SIRT3: variants seen among roughly 807,000 people sequenced by gnomAD.
SIRT3 encodes the protein sirtuin 3.
Under a neutral mutation model 33.5 loss-of-function variants are expected in SIRT3, and 26 were observed. The ratio of observed to expected loss-of-function variants is 0.78; its 90% CI spans 0.57 to 1.08. SIRT3 has a LOEUF of 1.08. SIRT3 is among the 50% of genes least tolerant of loss of function. SIRT3 has a pLI of 0.00. For missense variants in SIRT3, 585 were observed against 530.1 expected (o/e 1.10, Z -1.02); for synonymous variants, 237 against 222.1 (o/e 1.07, Z -0.60).
intron 6 of SIRT3, 28 bp from the exon 7 acceptor site, chr11:216,746 G>A (rs1855697682): frequency 1.2e-6 from 2 of 1,613,574 alleles, no homozygotes; most frequent in African/African-American, 1.3e-5. Flanking sequence ...GAGGGTATCA[G>A]CTATCTGTTT....
At chr11:219,410 C>G (rs1204575530) in intron 5 of SIRT3, among the ~76,000 whole-genome samples, 2 of 152,186 alleles carry the variant, frequency 1.3e-5, no homozygotes, top group Non-Finnish European at 2.9e-5. Flanking sequence ...AGAGGGACAA[C>G]AGCACAGACT....
intron 6 of SIRT3, among the ~76,000 whole-genome samples, chr11:218,271 A>G (rs1435231879): frequency 8.5e-5 from 13 of 152,230 alleles, no homozygotes; most frequent in Non-Finnish European, 1.9e-4. Context: ...AAGGCTACAC[A>G]TGCTACATGA....
rs1413014541 is a variant in SIRT3, at chr11:233,054, A to G, written c.635T>C (p.Phe212Ser). The change falls in exon 3 of 7, where the codon TTT becomes TCT. Residue 212 changes from phenylalanine to serine, a missense_variant. By Grantham distance (155) the Phe-to-Ser change is radical. Coordinates refer to ENST00000382743, the MANE Select transcript of SIRT3 (RefSeq NM_012239.6). ...GNYKPNVTHY[F>S]LRLLHDKGLL... ...CCCCTTGTCATGAAGCAGCCGGAGA[A>G]AGTAGTGAGTGACGTTGGGCTTGTA... 1 of 1,614,006 alleles carries G rather than the reference A, an allele frequency of 6.2e-7. No individual in the cohort carries two copies. Among genetic ancestry groups the G allele is most frequent in the African/African-American group, 1.3e-5 (1 of 74,890 alleles).
chr11:236,643 T>C (rs935339585), upstream of SIRT3: 40 of 235,522 alleles, frequency 1.7e-4, no homozygotes, highest in African/African-American at 8.3e-4. Context: ...GCGGTGATAG[T>C]TAATACTTTC....
intron 3 of SIRT3, 93 bp from the exon 4 acceptor site, chr11:230,645 G>T: frequency 1.3e-6 from 1 of 797,138 alleles, no homozygotes. Flanking sequence ...AGGACTCCTG[G>T]AAGGAGGCAC....
intron 2 of SIRT3, 58 bp downstream of exon 2, chr11:233,285 G>C: frequency 6.2e-7 from 1 of 1,600,516 alleles, no homozygotes; most frequent in Non-Finnish European, 8.5e-7. Context: ...CTGGGCAGTG[G>C]GGAGGGCAGG....
intron 4 of SIRT3, 132 bp from the exon 5 acceptor site, chr11:224,371 G>A (rs1339975466): frequency 2.1e-6 from 2 of 931,934 alleles, no homozygotes; most frequent in Middle Eastern, 3.5e-4. Context: ...GAACCCCCAT[G>A]TACCCAGCTT....
Position 223,591 on chromosome 11 carries a change from C to T in SIRT3, c.969+487G>A. On this transcript the variant is annotated intron_variant, in intron 5 of 6. Coordinates refer to ENST00000382743, the MANE Select transcript of SIRT3 (RefSeq NM_012239.6). This position sits in a 1 kb window ranked among gnomAD's most constrained non-coding sequence, Gnocchi z 4.8. Reference sequence around the variant, plus strand: ...AGTATTCCTGATCTGACCTGGGAGGCCCTGCCCCTCCACCTCGCCCCCACA... The same window carrying T: ...AGTATTCCTGATCTGACCTGGGAGGTCCTGCCCCTCCACCTCGCCCCCACA... The T allele has an allele frequency of 4.5e-6, 2 of 442,198 alleles. No homozygotes were observed. The highest frequency in any genetic ancestry group is 6.7e-4 in the Middle Eastern group (2 of 2,990). The allele number at this position is 442,198 out of a possible 1,614,324, so 27.4% of individuals were successfully genotyped here.
intron 4 of SIRT3, among the ~76,000 whole-genome samples, chr11:230,020 G>A (rs1266259577): frequency 2.0e-5 from 3 of 152,138 alleles, no homozygotes; most frequent in South Asian, 2.1e-4. Flanking sequence ...GCGAAGGAGC[G>A]AGAAACATTT....
rs201396474 is a variant in SIRT3, at chr11:230,561, C to G, written c.707-9G>C. On this transcript the variant is annotated splice_polypyrimidine_tract_variant and intron_variant, in intron 3 of 6. Coordinates refer to ENST00000382743, the MANE Select transcript of SIRT3 (RefSeq NM_012239.6). Reference sequence around the variant, plus strand: ...GGCAGGGATGCCCGACACTGAAATTCAAGCCAAAGCGAAGTGTTGCTGCCG... The same window carrying G: ...GGCAGGGATGCCCGACACTGAAATTGAAGCCAAAGCGAAGTGTTGCTGCCG... The G allele has an allele frequency of 3.3e-6, 5 of 1,496,292 alleles. No homozygotes were observed. Among genetic ancestry groups the G allele is most frequent in the Middle Eastern group, 1.8e-4 (1 of 5,664 alleles). 92.7% of individuals were successfully genotyped at this position (1,496,292 alleles called of 1,614,324 possible).
chr11:236,152 C>CT lies in SIRT3; in HGVS notation c.176dup (p.Pro60AlafsTer37), dbSNP rs1273924916. On this transcript the variant is annotated frameshift_variant, in exon 1 of 7. Transcript: ENST00000382743. LOFTEE classifies it high-confidence loss of function. ...GCAAGGGGCGCGCCGGGTCCAAGGG[C>CT]TCACCGCGGGCCCCATGGCTGCCTC... is the stretch of plus-strand genomic sequence containing the variant. The CT allele has an allele frequency of 6.4e-7, 1 of 1,570,240 alleles. No individual in the cohort carries two copies.
At position 216,561 on chromosome 11, in the gene SIRT3, TG is replaced by T; in HGVS notation, c.*136del. On this transcript the variant is annotated 3_prime_UTR_variant, in exon 7 of 7. Transcript: ENST00000382743. ...CTCATGGCCTGAGAAGACATTCCAG[TG>T]GCAGCCTCGGGTGTCCACTCAGTTC... is the stretch of plus-strand genomic sequence containing the variant. 1 of 925,998 alleles carries T rather than the reference TG, an allele frequency of 1.1e-6. No individual in the cohort carries two copies. The highest frequency in any genetic ancestry group is 1.7e-6 in the Non-Finnish European group (1 of 576,126). The allele number at this position is 925,998 out of a possible 1,614,324, so 57.4% of individuals were successfully genotyped here. A position where few individuals can be genotyped will look rare whatever the true frequency, so the allele number is the denominator to read the frequency against.
chr11:218,777 C>T lies in SIRT3; in HGVS notation c.1179+55G>A, dbSNP rs771853792. On this transcript the variant is annotated intron_variant, in intron 6 of 6. Transcript: ENST00000382743. ...GGGGCTCCATATCAGGTGGACCATA[C>T]CCTAGAGCAGTGAGAAGGGCAGCCC... 2.9e-5 allele frequency: 46 copies of T among 1,613,074 alleles called. No homozygotes were observed. The Middle Eastern group carries it at 2.3e-3, about 81-fold the overall frequency.
chr11:236,050 C>T lies in SIRT3; in HGVS notation c.279G>A (p.Ser93=). Residue 93 remains serine (S), a splice_region_variant and synonymous_variant, in exon 1 of 7, where the codon TCG becomes TCA. Transcript: ENST00000382743. ...GTGCTTGTCCTTGCCCAAAATACCTCGAAAAGAAGAAACTGGGAGCTGCTG... is the reference window on the plus strand; with the variant it reads ...GTGCTTGTCCTTGCCCAAAATACCTTGAAAAGAAGAAACTGGGAGCTGCTG... ...PRAAAPSFFF[S]SIKGGRRSIS... 6.6e-7 allele frequency: 1 copy of T among 1,514,820 alleles called. No individual in the cohort carries two copies. The highest frequency in any genetic ancestry group is 8.8e-7 in the Non-Finnish European group (1 of 1,131,778). The allele number at this position is 1,514,820 out of a possible 1,614,324, so 93.8% of individuals were successfully genotyped here. A position where few individuals can be genotyped will look rare whatever the true frequency, so the allele number is the denominator to read the frequency against.
At chr11:233,838 G>T in intron 1 of SIRT3, 1 of 259,312 alleles carries the variant, frequency 3.9e-6, no homozygotes, top group Non-Finnish European at 7.4e-6. Flanking sequence ...ACCTCCAAAG[G>T]GGTCTCCTAA....
intron 4 of SIRT3, among the ~76,000 whole-genome samples, chr11:225,183 G>T (rs1229286350): frequency 6.6e-6 from 1 of 152,180 alleles, no homozygotes; most frequent in African/African-American, 2.4e-5. Context: ...GGAGGCCGAG[G>T]TGGGCAGATC....
chr11:232,901 GGCACCCGAGCCTCCCTGGGAGAAAC>G lies in SIRT3; in HGVS notation c.706+57_706+81del. 2.2e-6 allele frequency: 3 copies of G among 1,346,960 alleles called. No homozygotes were observed. In the African/African-American group the frequency reaches 4.3e-5, roughly 19 times the overall value. 83.4% of individuals were successfully genotyped at this position (1,346,960 alleles called of 1,614,324 possible). ...ACCCGAGCATCCCCTGTGAGAAACA[GGCACCCGAGCCTCCCTGGGAGAAAC>G]AGGCACCCGAGCCTCCGTGGGAGAA... On this transcript the variant is annotated intron_variant, in intron 3 of 6. Coordinates refer to ENST00000382743, the MANE Select transcript of SIRT3 (RefSeq NM_012239.6).
At position 216,527 on chromosome 11, in the gene SIRT3, T is replaced by C. The variant is rs1855666955; in HGVS notation, c.*171A>G. On this transcript the variant is annotated 3_prime_UTR_variant, in exon 7 of 7. Transcript: ENST00000382743. ...CTGACTGTAAACACAGCCCTACCAG[T>C]CACTGCAGCTCATGGCCTGAGAAGA... is the stretch of plus-strand genomic sequence containing the variant. 4 of 697,432 alleles carry C rather than the reference T, an allele frequency of 5.7e-6. No individual in the cohort carries two copies. The highest frequency in any genetic ancestry group is 5.3e-5 in the South Asian group (3 of 56,888). 43.2% of individuals were successfully genotyped at this position (697,432 alleles called of 1,614,324 possible).
At chr11:236,841 G>A (rs574247617), upstream of SIRT3, 3 of 591,894 alleles carry the variant, frequency 5.1e-6, no homozygotes, top group South Asian at 2.0e-5. Context: ...AAGTGCGCGG[G>A]AAGTGGGCTG....
Sources: allele counts gnomAD v4.1 joint callset (sites outside exome capture counted in the v4.1 genomes callset), GRCh38; gene constraint gnomAD v4.1.1; non-coding constraint Gnocchi (gnomAD v3.1); transcripts MANE v1.5; gene names NCBI Gene and HGNC (gene_info 2026-07-23, HGNC 2026-07-21).